Variants in SYN3 observed in about 807,000 individuals in gnomAD.
SYN3 encodes the protein synapsin III.
SYN3 carries 35 observed loss-of-function variants against 65.8 expected under a neutral mutation model. The observed-to-expected ratio is 0.53, with a 90% CI of 0.41 to 0.70. The LOEUF (loss-of-function observed/expected upper bound fraction) is 0.70. Ranked by LOEUF, SYN3 falls within the 30% of genes least tolerant of loss-of-function variation. The pLI, the probability that SYN3 is intolerant of heterozygous loss-of-function variation, is 0.00. For missense variants in SYN3, 680 were observed against 749.0 expected, an observed-to-expected ratio of 0.91 and a Z score of 1.08; for synonymous variants, 270 against 292.9, an observed-to-expected ratio of 0.92 and a Z score of 0.80.
chr22:32,556,836 G>A (rs1237761750), intron 7 of SYN3, among the ~76,000 whole-genome samples: 1 of 56,898 alleles, frequency 1.8e-5, no homozygotes, highest in Non-Finnish European at 3.6e-5. Flanking sequence ...TTTTTTTTTT[G>A]TGTGTAGAGA....
intron 1 of SYN3, among the ~76,000 whole-genome samples, chr22:33,013,579 C>A (rs1318972889): frequency 6.6e-6 from 1 of 152,168 alleles, no homozygotes; most frequent in East Asian, 1.9e-4. Context: ...AAAATCTACT[C>A]TTTTAGCAAT....
At chr22:32,841,903 G>C (rs2047916266) in intron 6 of SYN3, among the ~76,000 whole-genome samples, 1 of 152,150 alleles carries the variant, frequency 6.6e-6, no homozygotes, top group Non-Finnish European at 1.5e-5. Flanking sequence ...GGTGGCAAAA[G>C]CGTGGGAGCT....
intron 1 of SYN3, among the ~76,000 whole-genome samples, chr22:33,050,542 T>C (rs188232264): frequency 6.0e-5 from 9 of 150,032 alleles, no homozygotes; most frequent in African/African-American, 1.5e-4. Context: ...TCCAAAGAAC[T>C]GTAAGATCCC....
At chr22:32,532,109 C>T (rs1189329314) in intron 10 of SYN3, among the ~76,000 whole-genome samples, 1 of 152,262 alleles carries the variant, frequency 6.6e-6, no homozygotes, top group Non-Finnish European at 1.5e-5. Flanking sequence ...CAGGGCAGTC[C>T]GGGAGCTCTA....
chr22:32,879,092 T>C (rs185780515), intron 4 of SYN3, among the ~76,000 whole-genome samples: 1 of 151,410 alleles, frequency 6.6e-6, no homozygotes. Flanking sequence ...CACACACACT[T>C]TGAAAACAGT....
intron 6 of SYN3, among the ~76,000 whole-genome samples, chr22:32,772,377 T>C (rs980204641): frequency 1.3e-5 from 2 of 149,010 alleles, no homozygotes; most frequent in African/African-American, 5.0e-5. Context: ...AGATGTGGAG[T>C]GAGCCTGGGG....
chr22:33,004,525 G>A lies in SYN3; in HGVS notation c.311+1827C>T, dbSNP rs563015236. On this transcript the variant is annotated intron_variant, in intron 2 of 13. Transcript: ENST00000358763. ...CCTGGATGTGAGACATGGAGTCAAA[G>A]GAGATTATTTCAGAGCTTTAAGATT... Among the ~76,000 whole-genome samples, 9 of 152,322 alleles carry A rather than the reference G, an allele frequency of 5.9e-5. No individual in the cohort carries two copies. The South Asian group carries it at 1.9e-3, about 32-fold the overall frequency.
At chr22:32,825,052 C>T (rs1421601779) in intron 6 of SYN3, among the ~76,000 whole-genome samples, 1 of 151,964 alleles carries the variant, frequency 6.6e-6, no homozygotes, top group African/African-American at 2.4e-5. Flanking sequence ...GTCCAATGAG[C>T]GCAGAAAAGG....
intron 6 of SYN3, among the ~76,000 whole-genome samples, chr22:32,803,936 A>G (rs1393141418): frequency 6.6e-6 from 1 of 152,188 alleles, no homozygotes; most frequent in East Asian, 1.9e-4. Flanking sequence ...GGAAAAGTGA[A>G]AACAAGCATG....
chr22:32,596,034 G>A (rs1015125841), intron 7 of SYN3, among the ~76,000 whole-genome samples: 3 of 152,106 alleles, frequency 2.0e-5, no homozygotes, highest in African/African-American at 4.8e-5. Context: ...CCGAGATCAC[G>A]CTACTGCACA....
At chr22:32,829,123 G>A (rs2047498238) in intron 6 of SYN3, among the ~76,000 whole-genome samples, 1 of 152,136 alleles carries the variant, frequency 6.6e-6, no homozygotes, top group Non-Finnish European at 1.5e-5. Context: ...GGGCAGAGAT[G>A]AAAGAGGAAC....
At chr22:32,556,988 A>G (rs1405750744) in intron 7 of SYN3, among the ~76,000 whole-genome samples, 1 of 151,506 alleles carries the variant, frequency 6.6e-6, no homozygotes, top group Non-Finnish European at 1.5e-5. Context: ...AAAAGTCCAC[A>G]CTTTAGGAAA....
At chr22:32,740,311 C>T (rs1315595668) in intron 6 of SYN3, among the ~76,000 whole-genome samples, 2 of 152,174 alleles carry the variant, frequency 1.3e-5, no homozygotes, top group Admixed American at 6.5e-5. Flanking sequence ...TAAGGAGCTG[C>T]CACTCACTGG....
intron 4 of SYN3, among the ~76,000 whole-genome samples, chr22:32,897,812 CT>C: frequency 6.6e-6 from 1 of 152,164 alleles, no homozygotes; most frequent in African/African-American, 2.4e-5. Context: ...TTGAGCAAGT[CT>C]TTTTATATAT....
rs932906313 is a variant in SYN3 at position 32,789,227 on chromosome 22, T to G, written c.711+75688A>C. Among the ~76,000 whole-genome samples the G allele has an allele frequency of 2.0e-5, 3 of 152,252 alleles. 1 individual carries two copies. Among genetic ancestry groups the G allele is most frequent in the Non-Finnish European group, 4.4e-5 (3 of 68,044 alleles). On this transcript the variant is annotated intron_variant, in intron 6 of 13. Transcript: ENST00000358763. Reference sequence around the variant, plus strand: ...TTCAGCCTCTCCCCTTCTTTCCTCCTGAAATCAGCCCCCAATCACTGCCTC... The same window carrying G: ...TTCAGCCTCTCCCCTTCTTTCCTCCGGAAATCAGCCCCCAATCACTGCCTC...
intron 7 of SYN3, among the ~76,000 whole-genome samples, chr22:32,554,614 C>A (rs1217235116): frequency 7.2e-5 from 11 of 152,270 alleles, no homozygotes; most frequent in East Asian, 5.8e-4. Flanking sequence ...CCGGCTCGTA[C>A]CCCTGCTTTC....
At chr22:32,989,472 A>G (rs1190835976) in intron 2 of SYN3, among the ~76,000 whole-genome samples, 3 of 152,166 alleles carry the variant, frequency 2.0e-5, no homozygotes, top group Non-Finnish European at 4.4e-5. Context: ...GGTGTCGAGC[A>G]TGATGGAGAC....
At chr22:32,592,463 T>C (rs1181789440) in intron 7 of SYN3, among the ~76,000 whole-genome samples, 15 of 152,234 alleles carry the variant, frequency 9.9e-5, no homozygotes, top group Admixed American at 6.5e-4. Flanking sequence ...TGATTTCTGT[T>C]TCTCATGATG....
intron 4 of SYN3, among the ~76,000 whole-genome samples, chr22:32,924,917 C>T (rs1258789815): frequency 1.3e-5 from 2 of 152,006 alleles, no homozygotes; most frequent in African/African-American, 4.8e-5. Context: ...CAGAGCAAGA[C>T]CCCATCTCCA....
Sources: allele counts gnomAD v4.1 joint callset (sites outside exome capture counted in the v4.1 genomes callset), GRCh38; gene constraint gnomAD v4.1.1; transcripts MANE v1.5; gene names NCBI Gene and HGNC (gene_info 2026-07-23, HGNC 2026-07-21).